The following LSAMP variants were observed in gnomAD, a reference collection of about 807,000 sequenced individuals.
The protein encoded by LSAMP is limbic system-associated membrane protein.
Under a neutral mutation model 38.6 loss-of-function variants are expected in LSAMP, and 7 were observed. That is an observed-to-expected ratio of 0.18 (90% CI 0.10 to 0.34). The LOEUF (loss-of-function observed/expected upper bound fraction) is 0.34. Ranked by LOEUF, LSAMP falls within the 10% of genes least tolerant of loss-of-function variation. The pLI is 1.00. For synonymous variants in LSAMP, 154 were observed against 166.8 expected, an observed-to-expected ratio of 0.92 and a Z score of 0.59; for missense variants, 313 against 420.0, an observed-to-expected ratio of 0.75 and a Z score of 2.23.
At chr3:116,443,818 T>C (rs2049467574) in intron 1 of LSAMP, among the ~76,000 whole-genome samples, 1 of 152,166 alleles carries the variant, frequency 6.6e-6, no homozygotes, top group African/African-American at 2.4e-5. Context: ...TTCTTTTTGT[T>C]AGCATCTGCC....
At chr3:116,114,239 A>C in intron 1 of LSAMP, among the ~76,000 whole-genome samples, 1 of 152,286 alleles carries the variant, frequency 6.6e-6, no homozygotes, top group Middle Eastern at 3.4e-3. Flanking sequence ...GAATATCCTT[A>C]TTGCAAGAGC....
At chr3:116,310,318 G>C (rs1293553399) in intron 1 of LSAMP, among the ~76,000 whole-genome samples, 1 of 152,184 alleles carries the variant, frequency 6.6e-6, no homozygotes, top group East Asian at 1.9e-4. Flanking sequence ...AGTCCTTGCA[G>C]CAGCAGGTGA....
intron 1 of LSAMP, among the ~76,000 whole-genome samples, chr3:116,194,490 G>A (rs556515149): frequency 1.3e-5 from 2 of 152,240 alleles, no homozygotes; most frequent in Non-Finnish European, 2.9e-5. Context: ...CGCCTCCCGG[G>A]TTCACGCCAT....
chr3:116,278,051 A>T (rs543675903), intron 1 of LSAMP, among the ~76,000 whole-genome samples: 1 of 152,308 alleles, frequency 6.6e-6, no homozygotes, highest in South Asian at 2.1e-4. Flanking sequence ...ATAATCCTAT[A>T]ATAAAAGTGA....
At chr3:116,263,915 A>C (rs2046862373) in intron 1 of LSAMP, among the ~76,000 whole-genome samples, 1 of 152,162 alleles carries the variant, frequency 6.6e-6, no homozygotes, top group African/African-American at 2.4e-5. Flanking sequence ...CTTAGAGGAG[A>C]AAGGTACACT....
chr3:116,102,567 G>T (rs1708371503), intron 1 of LSAMP, among the ~76,000 whole-genome samples: 1 of 152,206 alleles, frequency 6.6e-6, no homozygotes, highest in African/African-American at 2.4e-5. Flanking sequence ...TTGAAGGCCT[G>T]AATAGAATAA....
intron 1 of LSAMP, among the ~76,000 whole-genome samples, chr3:116,231,968 T>C (rs1232076118): frequency 3.9e-5 from 6 of 152,232 alleles, no homozygotes. Context: ...TTGTCACACC[T>C]TGAAAATTCC....
intron 1 of LSAMP, among the ~76,000 whole-genome samples, chr3:116,410,565 T>C (rs1292193933): frequency 6.6e-6 from 1 of 152,082 alleles, no homozygotes; most frequent in Non-Finnish European, 1.5e-5. Flanking sequence ...AACACCTCCT[T>C]AACTTCTTTT....
intron 1 of LSAMP, among the ~76,000 whole-genome samples, chr3:116,119,317 A>T (rs1473795038): frequency 6.6e-6 from 1 of 151,926 alleles, no homozygotes; most frequent in Non-Finnish European, 1.5e-5. Flanking sequence ...TAAGATTGTT[A>T]TCTGTTACAG....
At chr3:116,111,882 A>G (rs907928366) in intron 1 of LSAMP, among the ~76,000 whole-genome samples, 3 of 152,224 alleles carry the variant, frequency 2.0e-5, no homozygotes, top group Non-Finnish European at 4.4e-5. Flanking sequence ...AACAAAATCA[A>G]GGGGACCCTA....
chr3:115,995,281 G>T (rs1055449275), intron 3 of LSAMP, among the ~76,000 whole-genome samples: 1 of 152,008 alleles, frequency 6.6e-6, no homozygotes, highest in Non-Finnish European at 1.5e-5. Flanking sequence ...CCAGAGCTTT[G>T]TTATCTTCAC....
chr3:115,953,546 C>T (rs1419081181), intron 3 of LSAMP, among the ~76,000 whole-genome samples: 2 of 152,118 alleles, frequency 1.3e-5, no homozygotes, highest in Non-Finnish European at 2.9e-5. Context: ...ACTTTTCCCT[C>T]ATCAGGATAA....
intron 6 of LSAMP, among the ~76,000 whole-genome samples, chr3:115,814,732 A>C (rs1295719684): frequency 6.6e-6 from 1 of 152,226 alleles, no homozygotes; most frequent in Non-Finnish European, 1.5e-5. Context: ...ACGAGAAAAA[A>C]AGCCAGAGGA....
intron 1 of LSAMP, among the ~76,000 whole-genome samples, chr3:116,434,838 T>G (rs1035104188): frequency 6.6e-6 from 1 of 152,144 alleles, no homozygotes; most frequent in Non-Finnish European, 1.5e-5. Flanking sequence ...CGTGAGCCAC[T>G]GCGCTCGGCC....
intron 3 of LSAMP, among the ~76,000 whole-genome samples, chr3:115,913,353 G>A (rs1250591841): frequency 1.3e-5 from 2 of 152,150 alleles, no homozygotes; most frequent in Non-Finnish European, 2.9e-5. Context: ...TCATGCAGTT[G>A]GTTTTATTGA....
chr3:116,239,445 T>G (rs969920697), intron 1 of LSAMP, among the ~76,000 whole-genome samples: 2 of 152,206 alleles, frequency 1.3e-5, no homozygotes, highest in Non-Finnish European at 2.9e-5. Flanking sequence ...TAAAAAGATC[T>G]GTTGAAATCC....
intron 2 of LSAMP, among the ~76,000 whole-genome samples, chr3:116,041,809 A>T (rs530076705): frequency 6.7e-6 from 1 of 150,262 alleles, no homozygotes; most frequent in African/African-American, 2.5e-5. Context: ...AAAAAAACAA[A>T]ACAAAACAAA....
intron 2 of LSAMP, among the ~76,000 whole-genome samples, chr3:116,065,665 T>G (rs1292939860): frequency 1.3e-5 from 2 of 152,234 alleles, no homozygotes; most frequent in Admixed American, 1.3e-4. Context: ...GCAAGTATTT[T>G]GTCTCAGCAG....
chr3:116,389,465 T>C (rs2048665640), intron 1 of LSAMP, among the ~76,000 whole-genome samples: 1 of 152,164 alleles, frequency 6.6e-6, no homozygotes. Context: ...TTTTGGATCA[T>C]CCATGATTTC....
Sources: gnomAD v4.1 joint callset for allele counts (sites outside exome capture counted in the v4.1 genomes callset) on GRCh38, gnomAD v4.1.1 for gene constraint, MANE v1.5 for transcripts, NCBI Gene and HGNC (gene_info 2026-07-23, HGNC 2026-07-21) for gene names.